Variants in NBEA observed in about 807,000 individuals in gnomAD.
The protein encoded by NBEA is neurobeachin.
NBEA carries 44 observed loss-of-function variants against 343.4 expected under a neutral mutation model. The observed-to-expected ratio is 0.13, with a 90% CI of 0.10 to 0.16. The LOEUF is 0.16. NBEA is among the 10% of genes least tolerant of loss of function. The probability of loss-of-function intolerance (pLI) is 1.00; values close to 1 mark genes in which losing one functional copy is unlikely to be tolerated. For synonymous variants in NBEA, 1,175 were observed against 1,238.7 expected, an observed-to-expected ratio of 0.95 and a Z score of 1.08; for missense variants, 2,555 against 3,631.3, an observed-to-expected ratio of 0.70 and a Z score of 7.62.
At chr13:35,465,130 TTATC>T (rs951385706) in intron 40 of NBEA, among the ~76,000 whole-genome samples, 2 of 152,120 alleles carry the variant, frequency 1.3e-5, no homozygotes, top group African/African-American at 4.8e-5. Context: ...TAAAATACAG[TTATC>T]TTTTATATTT....
Position 35,232,606 on chromosome 13 carries a change from G to A in NBEA, c.5763G>A (p.Glu1921=), listed in dbSNP as rs750419479. ...CACTTCTTGGCAGTCATGGACAAGA[G>A]CTATTGATAGAAGGTATGATTTCTC... ...SRTLLGSHGQ[E]LLIEGLVCMK... Residue 1921 remains glutamate (E), a synonymous_variant, in exon 34 of 59, where the codon GAG becomes GAA. Coordinates refer to ENST00000379939, the MANE Select transcript of NBEA (RefSeq NM_001385012.1). The A allele has an allele frequency of 3.3e-6, 5 of 1,515,976 alleles. No homozygotes were observed. The Admixed American group carries it at 1.0e-4, about 31-fold the overall frequency. The allele number at this position is 1,515,976 out of a possible 1,614,324, so 93.9% of individuals were successfully genotyped here. A position where few individuals can be genotyped will look rare whatever the true frequency, so the allele number is the denominator to read the frequency against.
intron 45 of NBEA, among the ~76,000 whole-genome samples, chr13:35,581,195 A>G (rs1475271289): frequency 3.3e-5 from 5 of 152,144 alleles, no homozygotes; most frequent in Admixed American, 1.3e-4. Flanking sequence ...AGGAATCGCC[A>G]CACTGACTTC....
chr13:35,463,452 A>C (rs2047011831), intron 40 of NBEA, among the ~76,000 whole-genome samples: 2 of 151,974 alleles, frequency 1.3e-5, no homozygotes, highest in South Asian at 2.1e-4. Context: ...GTGAAACCCC[A>C]TCCGTACGAA....
At chr13:35,280,715 T>C (rs913714293) in intron 34 of NBEA, among the ~76,000 whole-genome samples, 2 of 152,124 alleles carry the variant, frequency 1.3e-5, no homozygotes. Flanking sequence ...ACACTACTTA[T>C]AGAATCAAAT....
At chr13:35,307,390 C>G (rs1463164507) in intron 35 of NBEA, among the ~76,000 whole-genome samples, 1 of 152,018 alleles carries the variant, frequency 6.6e-6, no homozygotes, top group East Asian at 1.9e-4. Flanking sequence ...ACTGTAATGT[C>G]CTTAGCTTAG....
chr13:35,019,097 A>G (rs2061746978), intron 1 of NBEA, among the ~76,000 whole-genome samples: 1 of 151,326 alleles, frequency 6.6e-6, no homozygotes, highest in Non-Finnish European at 1.5e-5. Context: ...CTGGGATAAA[A>G]CCAACTTGGT....
intron 41 of NBEA, among the ~76,000 whole-genome samples, chr13:35,541,365 C>A (rs375532616): frequency 1.0e-3 from 155 of 151,920 alleles, no homozygotes; most frequent in Middle Eastern, 3.4e-3. Context: ...CCATTGGTTC[C>A]TAATGGTCAG....
chr13:35,021,312 A>G (rs1189925687), intron 1 of NBEA, among the ~76,000 whole-genome samples: 4 of 152,148 alleles, frequency 2.6e-5, no homozygotes, highest in Non-Finnish European at 5.9e-5. Context: ...TACAAGTCTA[A>G]AATTTTCAGT....
intron 17 of NBEA, among the ~76,000 whole-genome samples, chr13:35,132,112 G>A (rs1045493569): frequency 2.0e-5 from 3 of 152,088 alleles, no homozygotes; most frequent in African/African-American, 7.2e-5. Context: ...AGAAGTGATA[G>A]CATGTTCATA....
chr13:35,047,650 G>C (rs1385511726), intron 4 of NBEA, among the ~76,000 whole-genome samples: 3 of 151,822 alleles, frequency 2.0e-5, no homozygotes, highest in Admixed American at 6.6e-5. Context: ...TTGGGTAGTA[G>C]AGGAGGATAA....
intron 40 of NBEA, among the ~76,000 whole-genome samples, chr13:35,455,917 G>T (rs866255193): frequency 6.6e-6 from 1 of 152,048 alleles, no homozygotes; most frequent in African/African-American, 2.4e-5. Context: ...GTGTATGTGA[G>T]TGTGTTTGTA....
chr13:35,479,807 A>T, intron 41 of NBEA, among the ~76,000 whole-genome samples: 1 of 152,116 alleles, frequency 6.6e-6, no homozygotes, highest in East Asian at 1.9e-4. Context: ...TGTGTGTGTC[A>T]TGCTTTAGGA....
intron 34 of NBEA, among the ~76,000 whole-genome samples, chr13:35,256,323 G>A (rs1173475489): frequency 1.3e-5 from 2 of 152,228 alleles, no homozygotes; most frequent in African/African-American, 4.8e-5. Context: ...CATGATGTCT[G>A]TGTAAGTCTG....
At chr13:35,088,434 G>A (rs1488366773) in intron 10 of NBEA, among the ~76,000 whole-genome samples, 3 of 151,810 alleles carry the variant, frequency 2.0e-5, no homozygotes, top group Non-Finnish European at 4.4e-5. Flanking sequence ...CAATTTCCAT[G>A]GTTAGCCATA....
At chr13:35,567,991 CT>C (rs1404739480) in intron 45 of NBEA, among the ~76,000 whole-genome samples, 6 of 152,214 alleles carry the variant, frequency 3.9e-5, no homozygotes, top group Admixed American at 3.3e-4. Flanking sequence ...GCTCTGTGAC[CT>C]AAAGCTAGTT....
chr13:35,112,177 A>AT (rs1301712846), intron 13 of NBEA, among the ~76,000 whole-genome samples: 1 of 151,772 alleles, frequency 6.6e-6, no homozygotes, highest in Non-Finnish European at 1.5e-5. Flanking sequence ...TCGGCCTCCC[A>AT]TTTTACTATT....
chr13:35,123,822 A>G (rs2066927145), intron 17 of NBEA, among the ~76,000 whole-genome samples: 1 of 152,138 alleles, frequency 6.6e-6, no homozygotes, highest in African/African-American at 2.4e-5. Flanking sequence ...AGCATTATCT[A>G]TTCTGAAGAT....
intron 1 of NBEA, among the ~76,000 whole-genome samples, chr13:34,963,711 C>G (rs1053264067): frequency 6.6e-6 from 1 of 151,618 alleles, no homozygotes; most frequent in Non-Finnish European, 1.5e-5. Context: ...TTCTTCCCCC[C>G]CCCGATATAT....
intron 1 of NBEA, among the ~76,000 whole-genome samples, chr13:34,963,113 A>C (rs1382073928): frequency 6.6e-6 from 1 of 152,006 alleles, no homozygotes; most frequent in East Asian, 1.9e-4. Context: ...TGGTTATATT[A>C]ACGTGAGTCT....
Sources: gnomAD v4.1 joint callset for allele counts (sites outside exome capture counted in the v4.1 genomes callset) on GRCh38, gnomAD v4.1.1 for gene constraint, MANE v1.5 for transcripts, NCBI Gene and HGNC (gene_info 2026-07-23, HGNC 2026-07-21) for gene names.